Variants in TEAD4 observed in about 807,000 individuals in gnomAD.
TEAD4 encodes the protein transcriptional enhancer factor TEF-3.
Under a neutral mutation model 52.4 loss-of-function variants are expected in TEAD4, and 36 were observed. The ratio of observed to expected loss-of-function variants is 0.69; its 90% CI spans 0.53 to 0.91. The LOEUF is 0.91. Ranked by LOEUF, TEAD4 falls within the 40% of genes least tolerant of loss-of-function variation. TEAD4 has a pLI of 0.00. For missense variants in TEAD4, 508 were observed against 583.9 expected (o/e 0.87, Z 1.34); for synonymous variants, 220 against 231.0 (o/e 0.95, Z 0.43).
rs552809797 is a variant in TEAD4 at position 2,997,399 on chromosome 12, G to A, written c.226+2407G>A. ...AGCTGTGTGTGGAGCACCTGGGGGT[G>A]CCTGGTGTGGTGTTCGGTGCTTTGC... On this transcript the variant is annotated intron_variant, in intron 3 of 12. Coordinates refer to ENST00000359864, the MANE Select transcript of TEAD4 (RefSeq NM_003213.4). Among the ~76,000 whole-genome samples, 3 of 152,306 alleles carry A rather than the reference G, an allele frequency of 2.0e-5. 1 individual carries two copies. The highest frequency in any genetic ancestry group is 2.9e-5 in the Non-Finnish European group (2 of 68,028).
intron 5 of TEAD4, 109 bp downstream of exon 5, chr12:3,012,341 T>C: frequency 2.4e-6 from 3 of 1,262,024 alleles, no homozygotes; most frequent in Non-Finnish European, 3.3e-6. Flanking sequence ...AGTGTGCTTT[T>C]CTCTCTGTTG....
intron 2 of TEAD4, among the ~76,000 whole-genome samples, chr12:2,973,671 G>A (rs147781188): frequency 6.5e-4 from 99 of 152,328 alleles, no homozygotes; most frequent in Admixed American, 3.3e-3. Flanking sequence ...GGCACAGGTG[G>A]GAATTTTGGT....
Position 2,995,090 on chromosome 12 carries a change from C to T in TEAD4, c.226+98C>T, listed in dbSNP as rs1028481030. 2.1e-6 allele frequency: 3 copies of T among 1,449,022 alleles called. No homozygotes were observed. In the Middle Eastern group the frequency reaches 5.5e-4, roughly 263 times the overall value. The allele number at this position is 1,449,022 out of a possible 1,614,324, so 89.8% of individuals were successfully genotyped here. A position where few individuals can be genotyped will look rare whatever the true frequency, so the allele number is the denominator to read the frequency against. ...CTGCCGGGCCACAGAAGGGGATGAC[C>T]ACTTGGGGCTTTGTCGGGTGGACAC... is the stretch of plus-strand genomic sequence containing the variant. On this transcript the variant is annotated intron_variant, in intron 3 of 12. Coordinates refer to ENST00000359864, the MANE Select transcript of TEAD4 (RefSeq NM_003213.4).
In TEAD4 at chr12:2,966,792, C is replaced by T. The variant is rs557090520; in HGVS notation, c.-30+6752C>T. On this transcript the variant is annotated intron_variant, in intron 2 of 12. Transcript: ENST00000359864. ...TGCGATCTCGGCTCACTGCAACCTCCGCCTCCTGGGTTCAAGCGATTCTCC... is the reference window on the plus strand; with the variant it reads ...TGCGATCTCGGCTCACTGCAACCTCTGCCTCCTGGGTTCAAGCGATTCTCC... Among the ~76,000 whole-genome samples the T allele has an allele frequency of 1.5e-3, 222 of 150,262 alleles. 6 individuals are homozygous for T. Among genetic ancestry groups the T allele is most frequent in the Admixed American group, 0.014 (210 of 15,086 alleles).
intron 2 of TEAD4, among the ~76,000 whole-genome samples, chr12:2,990,289 CTCT>C: frequency 6.6e-6 from 1 of 152,154 alleles, no homozygotes. Context: ...TAAACATAAT[CTCT>C]TCAGAGATTT....
In TEAD4 at chr12:2,966,378, G is replaced by A. The variant is rs1228752489; in HGVS notation, c.-30+6338G>A. 2.0e-5 allele frequency among the ~76,000 whole-genome samples: 3 copies of A among 151,862 alleles called. No individual in the cohort carries two copies. In the East Asian group the frequency reaches 5.8e-4, roughly 29 times the overall value. ...AGATACGAGCCTCTCCCAGGAGCCT[G>A]TGTGGCCTGTGTCTTCTGTTTCTCA... is the stretch of plus-strand genomic sequence containing the variant. On this transcript the variant is annotated intron_variant, in intron 2 of 12. Coordinates refer to ENST00000359864, the MANE Select transcript of TEAD4 (RefSeq NM_003213.4).
At chr12:2,984,715 A>G (rs1819133137) in intron 2 of TEAD4, among the ~76,000 whole-genome samples, 2 of 152,232 alleles carry the variant, frequency 1.3e-5, no homozygotes, top group Admixed American at 1.3e-4. Context: ...TTCTATAGGC[A>G]ACTATAACAC....
At chr12:2,975,669 T>C (rs538882370) in intron 2 of TEAD4, among the ~76,000 whole-genome samples, 2 of 152,208 alleles carry the variant, frequency 1.3e-5, no homozygotes, top group African/African-American at 4.8e-5. Flanking sequence ...ATTACAGGCA[T>C]GAGCCACCGT....
chr12:2,973,813 C>A (rs1346000310), intron 2 of TEAD4, among the ~76,000 whole-genome samples: 1 of 152,156 alleles, frequency 6.6e-6, no homozygotes, highest in East Asian at 1.9e-4. Context: ...ACTTCCATGG[C>A]CTTGTTTCCA....
rs2098268114 is a variant in TEAD4 at position 3,020,741 on chromosome 12, G to A, written c.691G>A (p.Ala231Thr). 1.9e-6 allele frequency: 3 copies of A among 1,608,316 alleles called. No homozygotes were observed. The highest frequency in any genetic ancestry group is 1.1e-5 in the South Asian group (1 of 89,712). ...CAAGCTCTGGATGTTGGAGTTCTCT[G>A]CCTTCCTGGAGCAGCAGCAGGACCC... Residue 231 changes from alanine to threonine, a missense_variant, in exon 9 of 13, where the codon GCC (alanine) becomes ACC (threonine). Coordinates refer to ENST00000359864, the MANE Select transcript of TEAD4 (RefSeq NM_003213.4).
intron 5 of TEAD4, among the ~76,000 whole-genome samples, chr12:3,015,181 C>A (rs557075774): frequency 6.6e-6 from 1 of 152,266 alleles, no homozygotes; most frequent in East Asian, 1.9e-4. Flanking sequence ...GACAATGACC[C>A]ACTACTCGGA....
intron 2 of TEAD4, among the ~76,000 whole-genome samples, chr12:2,964,284 C>T (rs186523922): frequency 5.1e-4 from 77 of 152,290 alleles, no homozygotes; most frequent in Admixed American, 2.0e-3. Context: ...GATGTCTTTG[C>T]GAATCATCCT....
intron 2 of TEAD4, among the ~76,000 whole-genome samples, chr12:2,993,941 A>G (rs1216063886): frequency 6.6e-6 from 1 of 152,234 alleles, no homozygotes; most frequent in Non-Finnish European, 1.5e-5. Context: ...GTAGGTATAC[A>G]CCACATTTTG....
intron 2 of TEAD4, among the ~76,000 whole-genome samples, chr12:2,964,000 G>T (rs1436301722): frequency 6.6e-6 from 1 of 152,074 alleles, no homozygotes; most frequent in African/African-American, 2.4e-5. Context: ...AGAGCCAGGG[G>T]TGACCCTCCT....
rs918156634 is a variant in TEAD4 at position 2,967,680 on chromosome 12, G to C, written c.-30+7640G>C. Among the ~76,000 whole-genome samples the C allele has an allele frequency of 2.0e-5, 3 of 152,212 alleles. No individual in the cohort carries two copies. The East Asian group carries it at 5.8e-4, about 29-fold the overall frequency. On this transcript the variant is annotated intron_variant, in intron 2 of 12. Coordinates refer to ENST00000359864, the MANE Select transcript of TEAD4 (RefSeq NM_003213.4). ...GGAAGAGGGAAATGAACATTTTAATGCCTGTTAGGTGCTAGACCATTATTC... is the reference window on the plus strand; with the variant it reads ...GGAAGAGGGAAATGAACATTTTAATCCCTGTTAGGTGCTAGACCATTATTC...
At chr12:2,960,333 C>T (rs2098214271) in intron 2 of TEAD4, 1 of 985,452 alleles carries the variant, frequency 1.0e-6, no homozygotes, top group African/African-American at 1.7e-5. Flanking sequence ...CTTTTCGAGC[C>T]TGGAAGGGAG....
chr12:3,032,406 G>A (rs138086908), intron 10 of TEAD4, among the ~76,000 whole-genome samples: 167 of 152,296 alleles, frequency 1.1e-3, no homozygotes, highest in Middle Eastern at 3.4e-3. Context: ...GGGGTCCTGG[G>A]ACAGGAGCCG....
intron 11 of TEAD4, among the ~76,000 whole-genome samples, chr12:3,038,820 C>T (rs1395143389): frequency 1.3e-5 from 2 of 152,204 alleles, no homozygotes; most frequent in African/African-American, 2.4e-5. Context: ...CTGTCCGTGA[C>T]ACGGTCTCCT....
intron 7 of TEAD4, among the ~76,000 whole-genome samples, chr12:3,018,897 A>G (rs1283325761): frequency 6.6e-6 from 1 of 151,646 alleles, no homozygotes; most frequent in Non-Finnish European, 1.5e-5. Context: ...TGGGAGGAGG[A>G]GAGGGAGGGG....
Sources: gnomAD v4.1 joint callset for allele counts (sites outside exome capture counted in the v4.1 genomes callset) on GRCh38, gnomAD v4.1.1 for gene constraint, MANE v1.5 for transcripts, NCBI Gene and HGNC (gene_info 2026-07-23, HGNC 2026-07-21) for gene names.